The following RAPGEF5 variants were observed in gnomAD, a reference collection of about 807,000 sequenced individuals.
RAPGEF5 encodes Rap guanine nucleotide exchange factor 5, also known as M-Ras-regulated GEF.
Under a neutral mutation model 125.2 loss-of-function variants are expected in RAPGEF5, and 65 were observed. The observed-to-expected ratio is 0.52, with a 90% CI of 0.43 to 0.64. The LOEUF is 0.64. Ranked by LOEUF, RAPGEF5 falls within the 30% of genes least tolerant of loss-of-function variation. The pLI is 0.00. For missense variants in RAPGEF5, 958 were observed against 1,048.1 expected (o/e 0.91, Z 1.19); for synonymous variants, 391 against 385.9 (o/e 1.01, Z -0.16).
At chr7:22,230,130 G>A (rs192397225) in intron 8 of RAPGEF5, among the ~76,000 whole-genome samples, 4 of 152,322 alleles carry the variant, frequency 2.6e-5, no homozygotes, top group African/African-American at 9.6e-5. Context: ...CTTGGAGAAA[G>A]TGGTAAATAC....
chr7:22,181,288 A>G (rs1340501377), intron 11 of RAPGEF5, among the ~76,000 whole-genome samples: 2 of 152,218 alleles, frequency 1.3e-5, no homozygotes, highest in African/African-American at 2.4e-5. Flanking sequence ...ATTCTTCTTC[A>G]TAACAGGTGA....
intron 11 of RAPGEF5, among the ~76,000 whole-genome samples, chr7:22,171,137 T>A (rs970647947): frequency 4.6e-5 from 7 of 152,150 alleles, no homozygotes; most frequent in Non-Finnish European, 8.8e-5. Flanking sequence ...ACAGCCATGC[T>A]TCCAAAAAAG....
intron 22 of RAPGEF5, among the ~76,000 whole-genome samples, chr7:22,136,689 C>A (rs1783088007): frequency 6.6e-6 from 1 of 152,062 alleles, no homozygotes; most frequent in Non-Finnish European, 1.5e-5. Flanking sequence ...TACTTAAAAG[C>A]CTGCCTTCTG....
intron 2 of RAPGEF5, among the ~76,000 whole-genome samples, chr7:22,315,804 A>G (rs977512117): frequency 6.6e-6 from 1 of 151,926 alleles, no homozygotes; most frequent in Non-Finnish European, 1.5e-5. Context: ...TATTTTTTAA[A>G]TATAATATTT....
At chr7:22,272,632 T>G (rs937218230) in intron 6 of RAPGEF5, among the ~76,000 whole-genome samples, 4 of 152,222 alleles carry the variant, frequency 2.6e-5, no homozygotes, top group African/African-American at 9.6e-5. Context: ...TCTAATATTC[T>G]TCCATGTTTT....
At chr7:22,230,522 A>G (rs1333363088) in intron 8 of RAPGEF5, among the ~76,000 whole-genome samples, 3 of 152,206 alleles carry the variant, frequency 2.0e-5, no homozygotes, top group African/African-American at 4.8e-5. Flanking sequence ...CAGAACCTCT[A>G]GCAAGTTGGT....
intron 1 of RAPGEF5, among the ~76,000 whole-genome samples, chr7:22,354,299 T>C (rs57886176): frequency 0.11 from 17,108 of 152,224 alleles, 1,045 homozygotes; most frequent in Middle Eastern, 0.16. Flanking sequence ...GCTGTGTCTT[T>C]ACTAGTGGTA....
At position 22,357,063 on chromosome 7, in the gene RAPGEF5, CCT is replaced by C; in HGVS notation, c.-5_-4del. On this transcript the variant is annotated 5_prime_UTR_variant, in exon 1 of 26. Coordinates refer to ENST00000665637, the MANE Select transcript of RAPGEF5 (RefSeq NM_012294.5). ...ACGGAGCCCACGGCCATCCTCATGCCCTGACGGCGCTGCGGCGCCGGGGGCTC... is the reference window on the plus strand; with the variant it reads ...ACGGAGCCCACGGCCATCCTCATGCCGACGGCGCTGCGGCGCCGGGGGCTC... The C allele has an allele frequency of 9.6e-7, 1 of 1,039,158 alleles. No homozygotes were observed. The highest frequency in any genetic ancestry group is 1.2e-6 in the Non-Finnish European group (1 of 865,926). The allele number at this position is 1,039,158 out of a possible 1,614,324, so 64.4% of individuals were successfully genotyped here.
chr7:22,157,912 G>T, intron 14 of RAPGEF5, 27 bp from the exon 15 acceptor site: 1 of 1,600,616 alleles, frequency 6.2e-7, no homozygotes, highest in African/African-American at 1.3e-5. Context: ...CAAGAAGTCA[G>T]TCTTTGTCTC....
intron 6 of RAPGEF5, among the ~76,000 whole-genome samples, chr7:22,267,950 G>A (rs761702665): frequency 5.3e-5 from 8 of 151,878 alleles, no homozygotes; most frequent in Non-Finnish European, 1.0e-4. Context: ...AGGTTAAATT[G>A]CAGATTTGCT....
chr7:22,326,131 CT>C (rs140046549), intron 1 of RAPGEF5, among the ~76,000 whole-genome samples: 2,530 of 152,232 alleles, frequency 0.017, 67 homozygotes, highest in African/African-American at 0.058. Context: ...TTTTTGAAAG[CT>C]GCAGAACAAT....
intron 9 of RAPGEF5, among the ~76,000 whole-genome samples, chr7:22,210,760 G>C (rs1785491309): frequency 6.6e-6 from 1 of 152,026 alleles, no homozygotes; most frequent in Non-Finnish European, 1.5e-5. Context: ...GTACAAATGT[G>C]CCATAAATGA....
intron 4 of RAPGEF5, 150 bp downstream of exon 4, chr7:22,309,819 C>T (rs1583568747): frequency 1.1e-6 from 1 of 928,466 alleles, no homozygotes; most frequent in East Asian, 3.2e-5. Flanking sequence ...CAAAAGATGA[C>T]CTGTCACTTA....
intron 1 of RAPGEF5, among the ~76,000 whole-genome samples, chr7:22,342,875 C>G (rs1784154738): frequency 2.0e-5 from 3 of 152,236 alleles, no homozygotes; most frequent in Admixed American, 2.0e-4. Context: ...AAGTTCCAAA[C>G]TTTCCCAAAT....
At chr7:22,309,883 T>A in intron 4 of RAPGEF5, 86 bp downstream of exon 4, 1 of 1,386,294 alleles carries the variant, frequency 7.2e-7, no homozygotes, top group Non-Finnish European at 9.6e-7. Context: ...CCATCCAGAC[T>A]GTAACATCCT....
At chr7:22,312,353 C>T (rs887469564) in intron 3 of RAPGEF5, among the ~76,000 whole-genome samples, 2 of 152,152 alleles carry the variant, frequency 1.3e-5, no homozygotes, top group Admixed American at 6.5e-5. Context: ...GGATTACAGG[C>T]GTCTGCCACC....
At chr7:22,294,937 G>T (rs905950599) in intron 5 of RAPGEF5, among the ~76,000 whole-genome samples, 1 of 152,136 alleles carries the variant, frequency 6.6e-6, no homozygotes, top group Non-Finnish European at 1.5e-5. Context: ...TCTATTCAAG[G>T]TGTGCCACAT....
chr7:22,323,698 A>G (rs1783759498), intron 1 of RAPGEF5, among the ~76,000 whole-genome samples: 1 of 152,218 alleles, frequency 6.6e-6, no homozygotes, highest in Non-Finnish European at 1.5e-5. Context: ...GACCCTCCCT[A>G]CAGCAACCAA....
At chr7:22,161,537 AAC>A (rs369030719) in intron 13 of RAPGEF5, among the ~76,000 whole-genome samples, 10,223 of 135,904 alleles carry the variant, frequency 0.075, 567 homozygotes, top group East Asian at 0.33. Context: ...ACCCTGTCTC[AAC>A]ACACACACAC....
Sources: allele counts gnomAD v4.1 joint callset (sites outside exome capture counted in the v4.1 genomes callset), GRCh38; gene constraint gnomAD v4.1.1; transcripts MANE v1.5; gene names NCBI Gene and HGNC (gene_info 2026-07-23, HGNC 2026-07-21).